Variants in FRAS1 observed in about 807,000 individuals in gnomAD.
FRAS1 encodes the protein extracellular matrix organizing protein FRAS1.
In FRAS1, 290 loss-of-function variants were observed where a neutral mutation model predicts 435.2. That is an observed-to-expected ratio of 0.67 (90% CI 0.61 to 0.73). The LOEUF (loss-of-function observed/expected upper bound fraction) is 0.73. Among genes scored for constraint, FRAS1 ranks in the 30% least tolerant of loss-of-function variants. The probability of loss-of-function intolerance (pLI) is 0.00; values close to 1 mark genes in which losing one functional copy is unlikely to be tolerated. For synonymous variants in FRAS1, 1,800 were observed against 1,851.0 expected (o/e 0.97, Z 0.71); for missense variants, 4,860 against 5,001.5 (o/e 0.97, Z 0.85).
At chr4:78,219,775 C>T (rs1723971068) in intron 2 of FRAS1, among the ~76,000 whole-genome samples, 1 of 152,104 alleles carries the variant, frequency 6.6e-6, no homozygotes, top group Non-Finnish European at 1.5e-5. Context: ...TGCTGCCACT[C>T]CATAGATAAT....
At chr4:78,483,903 G>A (rs1197700847) in intron 58 of FRAS1, among the ~76,000 whole-genome samples, 2 of 151,220 alleles carry the variant, frequency 1.3e-5, no homozygotes, top group Non-Finnish European at 3.0e-5. Context: ...GTTTATGAAG[G>A]TGCAACTTGC....
intron 2 of FRAS1, among the ~76,000 whole-genome samples, chr4:78,153,242 T>C (rs562228594): frequency 1.1e-4 from 16 of 152,142 alleles, no homozygotes; most frequent in African/African-American, 3.9e-4. Flanking sequence ...TCTGGGAGTG[T>C]CCAGCATCAA....
chr4:78,512,110 T>G (rs960994329), intron 64 of FRAS1, among the ~76,000 whole-genome samples: 1 of 152,172 alleles, frequency 6.6e-6, no homozygotes, highest in African/African-American at 2.4e-5. Context: ...ATAATAACAT[T>G]GTAGAAATTA....
chr4:78,336,324 A>G (rs540396950), intron 19 of FRAS1, among the ~76,000 whole-genome samples: 4 of 152,226 alleles, frequency 2.6e-5, no homozygotes, highest in Non-Finnish European at 5.9e-5. Flanking sequence ...AGCTGTTTCT[A>G]TCCTTAGGTG....
chr4:78,153,514 T>C (rs569838489), intron 2 of FRAS1, among the ~76,000 whole-genome samples: 55 of 152,288 alleles, frequency 3.6e-4, no homozygotes, highest in African/African-American at 1.1e-3. Context: ...AAATGGAAAA[T>C]AGACGGCTCT....
At chr4:78,362,881 A>T (rs1406590116) in intron 20 of FRAS1, among the ~76,000 whole-genome samples, 1 of 152,050 alleles carries the variant, frequency 6.6e-6, no homozygotes, top group Admixed American at 6.5e-5. Context: ...TAGGCACAGG[A>T]TAGGGGTGGG....
At chr4:78,286,579 A>G (rs1384579685) in intron 14 of FRAS1, 40 bp downstream of exon 14, 1 of 1,600,762 alleles carries the variant, frequency 6.2e-7, no homozygotes, top group East Asian at 2.2e-5. Flanking sequence ...AGCTACCAAG[A>G]CAGCTCCCCA....
At chr4:78,100,238 C>G (rs1742053849) in intron 2 of FRAS1, among the ~76,000 whole-genome samples, 2 of 152,280 alleles carry the variant, frequency 1.3e-5, no homozygotes, top group South Asian at 4.1e-4. Flanking sequence ...CCTGGTTGAC[C>G]TCTCCCCTCT....
In FRAS1 at chr4:78,194,734, G is replaced by A. The variant is rs145855561; in HGVS notation, c.109-42776G>A. 8.5e-3 allele frequency among the ~76,000 whole-genome samples: 1,293 copies of A among 152,134 alleles called. 26 individuals are homozygous for A. Among genetic ancestry groups the A allele is most frequent in the Non-Finnish European group, 7.1e-3 (486 of 67,990 alleles). On this transcript the variant is annotated intron_variant, in intron 2 of 73. Transcript: ENST00000512123. ...GGGTTCAAACTTCCTCCTTTAGCTC[G>A]GAGTAGTTTGACCATCTGAAGTCTT...
chr4:78,393,331 T>A, intron 29 of FRAS1, among the ~76,000 whole-genome samples: 1 of 152,096 alleles, frequency 6.6e-6, no homozygotes, highest in East Asian at 1.9e-4. Context: ...ATCCTTTGTG[T>A]ATCTACTGCA....
chr4:78,477,677 C>A (rs1719891182), intron 54 of FRAS1, 138 bp from the exon 55 acceptor site: 5 of 1,066,052 alleles, frequency 4.7e-6, no homozygotes, highest in Non-Finnish European at 5.3e-6. Context: ...CAGCAGGGAA[C>A]CAGGGCTGGG....
At chr4:78,390,406 A>G (rs569327017) in intron 29 of FRAS1, among the ~76,000 whole-genome samples, 1 of 152,340 alleles carries the variant, frequency 6.6e-6, no homozygotes, top group South Asian at 2.1e-4. Flanking sequence ...GTTCAAAAAC[A>G]TTCATTTTCA....
intron 23 of FRAS1, among the ~76,000 whole-genome samples, chr4:78,372,018 A>G (rs1419333544): frequency 6.6e-6 from 1 of 152,178 alleles, no homozygotes; most frequent in African/African-American, 2.4e-5. Flanking sequence ...CTTGATGACA[A>G]GTTCTACACC....
At chr4:78,471,428 T>C (rs986269367) in intron 51 of FRAS1, among the ~76,000 whole-genome samples, 2 of 152,070 alleles carry the variant, frequency 1.3e-5, no homozygotes, top group African/African-American at 4.8e-5. Context: ...CTCTATTTGA[T>C]CTTTTTTCCC....
At chr4:78,384,565 G>A (rs751165143) in intron 28 of FRAS1, among the ~76,000 whole-genome samples, 14 of 151,986 alleles carry the variant, frequency 9.2e-5, no homozygotes, top group African/African-American at 1.9e-4. Flanking sequence ...ATATTATGAC[G>A]CATAACTTTA....
chr4:78,536,084 A>C (rs1305438820), intron 71 of FRAS1, among the ~76,000 whole-genome samples: 3 of 151,918 alleles, frequency 2.0e-5, no homozygotes, highest in Non-Finnish European at 4.4e-5. Context: ...TCTTGGGAGG[A>C]TTAAGTAAGT....
chr4:78,430,405 C>T lies in FRAS1; in HGVS notation c.4957C>T (p.Pro1653Ser). 1 of 1,612,974 alleles carries T rather than the reference C, an allele frequency of 6.2e-7. No homozygotes were observed. Among genetic ancestry groups the T allele is most frequent in the South Asian group, 1.1e-5 (1 of 90,962 alleles). The change falls in exon 37 of 74, where the codon CCG becomes TCG. Residue 1653 changes from proline (P) to serine (S), a missense_variant. Pro to Ser is a moderately conservative substitution (Grantham distance 74, BLOSUM62 -1). Coordinates refer to ENST00000512123, the MANE Select transcript of FRAS1 (RefSeq NM_025074.7). Reference protein sequence around the residue: ...LLKHTAEFRRPMATGDTFTYE... With the variant: ...LLKHTAEFRRSMATGDTFTYE... ...TAAGCATACAGCTGAGTTCCGAAGG[C>T]CGATGGCCACAGGTAGCTACACACC... is the stretch of plus-strand genomic sequence containing the variant.
intron 29 of FRAS1, among the ~76,000 whole-genome samples, chr4:78,391,529 T>C (rs1344047021): frequency 6.6e-6 from 1 of 152,226 alleles, no homozygotes; most frequent in Non-Finnish European, 1.5e-5. Flanking sequence ...GGTGGGCTTC[T>C]GTCTACTACT....
chr4:78,359,310 G>A (rs1730984280), intron 20 of FRAS1, among the ~76,000 whole-genome samples: 1 of 152,010 alleles, frequency 6.6e-6, no homozygotes, highest in South Asian at 2.1e-4. Context: ...TCAGAACATT[G>A]GTATTAATCC....
Sources: gnomAD v4.1 joint callset for allele counts (sites outside exome capture counted in the v4.1 genomes callset) on GRCh38, gnomAD v4.1.1 for gene constraint, MANE v1.5 for transcripts, NCBI Gene and HGNC (gene_info 2026-07-23, HGNC 2026-07-21) for gene names.